Variants in PRKCA observed in about 807,000 individuals in gnomAD.
PRKCA encodes protein kinase C alpha.
Under a neutral mutation model 87.0 loss-of-function variants are expected in PRKCA, and 27 were observed. That is an observed-to-expected ratio of 0.31 (90% CI 0.23 to 0.43). The LOEUF is 0.43. Among genes scored for constraint, PRKCA ranks in the 20% least tolerant of loss-of-function variants. The pLI is 1.00. For synonymous variants in PRKCA, 329 were observed against 311.1 expected, an observed-to-expected ratio of 1.06 and a Z score of -0.61; for missense variants, 518 against 852.3, an observed-to-expected ratio of 0.61 and a Z score of 4.88.
At chr17:66,366,293 G>T (rs986695859) in intron 2 of PRKCA, among the ~76,000 whole-genome samples, 1 of 152,184 alleles carries the variant, frequency 6.6e-6, no homozygotes, top group Non-Finnish European at 1.5e-5. Context: ...TACAAATATA[G>T]ATTGCTATAG....
At chr17:66,625,025 G>A (rs529596816) in intron 3 of PRKCA, among the ~76,000 whole-genome samples, 3 of 152,126 alleles carry the variant, frequency 2.0e-5, no homozygotes, top group South Asian at 2.1e-4. Flanking sequence ...GCTGGATCAC[G>A]AATTTTCTGA....
chr17:66,400,741 G>A (rs151058504), intron 2 of PRKCA, among the ~76,000 whole-genome samples: 49 of 152,360 alleles, frequency 3.2e-4, no homozygotes, highest in Non-Finnish European at 5.4e-4. Context: ...CTAAGCAACA[G>A]TGCACAAAGG....
At chr17:66,622,061 TAGCC>T (rs1160476395) in intron 3 of PRKCA, among the ~76,000 whole-genome samples, 2 of 143,002 alleles carry the variant, frequency 1.4e-5, no homozygotes, top group Admixed American at 1.4e-4. Flanking sequence ...AACAAACAGC[TAGCC>T]ATGGCAGTAG....
chr17:66,365,340 G>A (rs1388992705), intron 2 of PRKCA, among the ~76,000 whole-genome samples: 9 of 152,142 alleles, frequency 5.9e-5, no homozygotes, highest in Admixed American at 4.6e-4. Flanking sequence ...AGGTGTATCC[G>A]TCTTGCTGGC....
At chr17:66,694,795 A>G (rs1972876709) in intron 8 of PRKCA, among the ~76,000 whole-genome samples, 1 of 145,152 alleles carries the variant, frequency 6.9e-6, no homozygotes, top group Non-Finnish European at 1.5e-5. Context: ...AAAAAAAGGT[A>G]TCTTCTAGCC....
At chr17:66,648,049 G>A (rs903856304) in intron 5 of PRKCA, among the ~76,000 whole-genome samples, 11 of 152,234 alleles carry the variant, frequency 7.2e-5, no homozygotes, top group African/African-American at 2.6e-4. Context: ...GTACAAGATC[G>A]AGGCCCCAGC....
chr17:66,394,155 C>T (rs1910528539), intron 2 of PRKCA, among the ~76,000 whole-genome samples: 1 of 152,096 alleles, frequency 6.6e-6, no homozygotes, highest in Admixed American at 6.5e-5. Flanking sequence ...TCTGTTCTTC[C>T]TAGAGGAGTC....
chr17:66,464,169 A>G (rs1914980996), intron 2 of PRKCA, among the ~76,000 whole-genome samples: 1 of 152,080 alleles, frequency 6.6e-6, no homozygotes, highest in Admixed American at 6.5e-5. Context: ...ACTTAGCAAT[A>G]TGCATTTATG....
At chr17:66,535,399 T>TATA (rs1967741174) in intron 3 of PRKCA, among the ~76,000 whole-genome samples, 1 of 152,190 alleles carries the variant, frequency 6.6e-6, no homozygotes, top group Non-Finnish European at 1.5e-5. Flanking sequence ...AGAAAAGATA[T>TATA]GTATTGATGT....
At chr17:66,463,297 C>G (rs1052866644) in intron 2 of PRKCA, among the ~76,000 whole-genome samples, 1 of 151,914 alleles carries the variant, frequency 6.6e-6, no homozygotes, top group African/African-American at 2.4e-5. Flanking sequence ...AGTTAAGTCA[C>G]TTGAACTACA....
chr17:66,458,157 T>A (rs912164195), intron 2 of PRKCA, among the ~76,000 whole-genome samples: 1 of 152,246 alleles, frequency 6.6e-6, no homozygotes, highest in African/African-American at 2.4e-5. Context: ...GGTATACTGA[T>A]TTTAATTTTT....
chr17:66,757,104 G>A (rs55943385), intron 13 of PRKCA, among the ~76,000 whole-genome samples: 9 of 152,228 alleles, frequency 5.9e-5, no homozygotes, highest in Admixed American at 2.6e-4. Flanking sequence ...GGAAATACTG[G>A]AGCAGAAATG....
At chr17:66,592,074 G>C (rs1969823950) in intron 3 of PRKCA, among the ~76,000 whole-genome samples, 1 of 152,090 alleles carries the variant, frequency 6.6e-6, no homozygotes, top group Admixed American at 6.5e-5. Flanking sequence ...AAAGTTACCA[G>C]CTGAGCTCTG....
At chr17:66,629,744 AG>A (rs1419742990) in intron 3 of PRKCA, among the ~76,000 whole-genome samples, 1 of 152,098 alleles carries the variant, frequency 6.6e-6, no homozygotes, top group Non-Finnish European at 1.5e-5. Flanking sequence ...GAGTTAGGGG[AG>A]GGGAGGGCAT....
intron 2 of PRKCA, among the ~76,000 whole-genome samples, chr17:66,397,106 C>T (rs1910733158): frequency 6.6e-6 from 1 of 151,056 alleles, no homozygotes; most frequent in South Asian, 2.1e-4. Context: ...GCTGGGGCTA[C>T]AGGTGCCTGC....
chr17:66,330,049 C>G (rs1410455857), intron 2 of PRKCA, among the ~76,000 whole-genome samples: 1 of 151,550 alleles, frequency 6.6e-6, no homozygotes, highest in African/African-American at 2.4e-5. Flanking sequence ...CTCTGCTGGT[C>G]TGTTGGGTAC....
At chr17:66,384,220 A>G (rs1348219121) in intron 2 of PRKCA, among the ~76,000 whole-genome samples, 2 of 152,114 alleles carry the variant, frequency 1.3e-5, no homozygotes, top group Non-Finnish European at 2.9e-5. Context: ...GATGACAGAG[A>G]GCTATAGTGG....
chr17:66,647,851 C>T (rs1445097846), intron 5 of PRKCA, among the ~76,000 whole-genome samples: 3 of 152,084 alleles, frequency 2.0e-5, no homozygotes, highest in Non-Finnish European at 4.4e-5. Context: ...TGGGCTAAGT[C>T]CCTTGAGAAT....
At chr17:66,670,497 C>T (rs1300730891) in intron 5 of PRKCA, among the ~76,000 whole-genome samples, 2 of 152,078 alleles carry the variant, frequency 1.3e-5, no homozygotes, top group Admixed American at 1.3e-4. Context: ...CTTTGGTGAT[C>T]GGAGAAATGT....
Sources: gnomAD v4.1 joint callset for allele counts (sites outside exome capture counted in the v4.1 genomes callset) on GRCh38, gnomAD v4.1.1 for gene constraint, MANE v1.5 for transcripts, NCBI Gene and HGNC (gene_info 2026-07-23, HGNC 2026-07-21) for gene names.